The following DPP6 variants were observed in gnomAD, a reference collection of about 807,000 sequenced individuals.
DPP6 encodes dipeptidyl peptidase like 6.
Under a neutral mutation model 122.6 loss-of-function variants are expected in DPP6, and 69 were observed. The observed-to-expected ratio is 0.56, with a 90% CI of 0.46 to 0.69. The LOEUF is 0.69. DPP6 is among the 30% of genes least tolerant of loss of function. The pLI is 0.00. For missense variants in DPP6, 928 were observed against 1,116.9 expected, an observed-to-expected ratio of 0.83 and a Z score of 2.41; for synonymous variants, 418 against 433.1, an observed-to-expected ratio of 0.97 and a Z score of 0.43.
At chr7:154,376,626 A>G (rs1276906172) in intron 1 of DPP6, among the ~76,000 whole-genome samples, 1 of 152,214 alleles carries the variant, frequency 6.6e-6, no homozygotes, top group Non-Finnish European at 1.5e-5. Flanking sequence ...AGCTCTTTAT[A>G]CACACAATGA....
chr7:154,350,624 C>A (rs558865116), intron 1 of DPP6, among the ~76,000 whole-genome samples: 2 of 152,260 alleles, frequency 1.3e-5, no homozygotes, highest in East Asian at 3.9e-4. Context: ...ATGTGTAGTT[C>A]AGAGTGAGTT....
intron 6 of DPP6, among the ~76,000 whole-genome samples, chr7:154,647,471 A>G (rs1423066529): frequency 6.6e-6 from 1 of 152,168 alleles, no homozygotes; most frequent in Non-Finnish European, 1.5e-5. Flanking sequence ...AATGATATTC[A>G]GTAAAGGGGT....
At chr7:154,372,976 C>T (rs59911298) in intron 1 of DPP6, among the ~76,000 whole-genome samples, 2,898 of 152,276 alleles carry the variant, frequency 0.019, 38 homozygotes, top group Middle Eastern at 0.034. Flanking sequence ...ATGGAGTTCG[C>T]GTCTCTTCCC....
At chr7:153,905,082 A>G (rs1401368441) in intron 1 of DPP6, among the ~76,000 whole-genome samples, 2 of 152,266 alleles carry the variant, frequency 1.3e-5, no homozygotes, top group Admixed American at 6.5e-5. Context: ...GCCTCTCTGC[A>G]GAATTCCTTC....
At chr7:153,857,114 T>C in the DPP6 span, among the ~76,000 whole-genome samples, 5 of 152,184 alleles carry the variant, frequency 3.3e-5, no homozygotes, top group African/African-American at 9.7e-5. Context: ...CTTTTTTCTA[T>C]GACAAAGAAA....
intron 2 of DPP6, among the ~76,000 whole-genome samples, chr7:154,461,344 G>A (rs1821285987): frequency 6.6e-6 from 1 of 152,132 alleles, no homozygotes; most frequent in Non-Finnish European, 1.5e-5. Context: ...GCAGGTGTCT[G>A]TTTGATACAC....
At chr7:154,310,824 C>A (rs1023293924) in intron 1 of DPP6, among the ~76,000 whole-genome samples, 1 of 152,098 alleles carries the variant, frequency 6.6e-6, no homozygotes, top group African/African-American at 2.4e-5. Context: ...GAGGAATGAA[C>A]GGTCACCGTC....
chr7:154,380,702 C>T (rs537370804), intron 1 of DPP6, among the ~76,000 whole-genome samples: 1 of 152,310 alleles, frequency 6.6e-6, no homozygotes, highest in African/African-American at 2.4e-5. Flanking sequence ...TACCTTTTTG[C>T]TGGCAGGGAA....
At position 154,616,975 on chromosome 7, in the gene DPP6, C is replaced by T. The variant is rs140884575; in HGVS notation, c.628-20846C>T. Among the ~76,000 whole-genome samples, 704 of 152,350 alleles carry T rather than the reference C, an allele frequency of 4.6e-3. 8 individuals carry two copies. Among genetic ancestry groups the T allele is most frequent in the African/African-American group, 0.016 (677 of 41,586 alleles). ...GAACTGTCTTTCCAAAGAATCTCCA[C>T]GTGTAGCTGATGTCAGATGCCATCA... On this transcript the variant is annotated intron_variant, in intron 5 of 25. Coordinates refer to ENST00000377770, the MANE Select transcript of DPP6 (RefSeq NM_130797.4).
chr7:154,229,710 G>C (rs1477147002), intron 1 of DPP6, among the ~76,000 whole-genome samples: 2 of 151,974 alleles, frequency 1.3e-5, no homozygotes, highest in Non-Finnish European at 2.9e-5. Flanking sequence ...TTCCGTCCAA[G>C]CTTCACCATA....
chr7:154,101,362 T>C (rs1805711931), intron 1 of DPP6, among the ~76,000 whole-genome samples: 1 of 148,006 alleles, frequency 6.8e-6, no homozygotes, highest in Non-Finnish European at 1.5e-5. Flanking sequence ...GATTTCACTC[T>C]TTCTCTTTCT....
chr7:153,935,695 G>A (rs1380731784), intron 1 of DPP6, among the ~76,000 whole-genome samples: 2 of 152,172 alleles, frequency 1.3e-5, no homozygotes, highest in African/African-American at 2.4e-5. Context: ...CGTTGCAGAG[G>A]CACAGGGGCC....
At chr7:154,309,658 G>C (rs1404931622) in intron 1 of DPP6, among the ~76,000 whole-genome samples, 1 of 152,116 alleles carries the variant, frequency 6.6e-6, no homozygotes, top group African/African-American at 2.4e-5. Context: ...AATTTTTTAT[G>C]TAGCCATATT....
chr7:154,711,683 T>C (rs1260622327), intron 7 of DPP6, among the ~76,000 whole-genome samples: 4 of 152,154 alleles, frequency 2.6e-5, no homozygotes, highest in African/African-American at 9.7e-5. Flanking sequence ...TCACCCTTAG[T>C]AGTATTGCTA....
intron 8 of DPP6, among the ~76,000 whole-genome samples, chr7:154,759,412 G>A (rs369851136): frequency 2.0e-4 from 30 of 152,232 alleles, no homozygotes; most frequent in East Asian, 1.3e-3. Flanking sequence ...GTTCTCCCAG[G>A]AGCAGCCTGT....
intron 7 of DPP6, among the ~76,000 whole-genome samples, chr7:154,720,194 G>A (rs1036643910): frequency 2.6e-5 from 4 of 152,180 alleles, no homozygotes; most frequent in Non-Finnish European, 5.9e-5. Flanking sequence ...GGAGAAGAGT[G>A]AATCGATGGA....
intron 6 of DPP6, among the ~76,000 whole-genome samples, chr7:154,647,560 C>T (rs759046568): frequency 6.6e-6 from 1 of 152,160 alleles, no homozygotes; most frequent in Non-Finnish European, 1.5e-5. Context: ...GGGCACCAGA[C>T]GTTGGTTGTG....
intron 1 of DPP6, among the ~76,000 whole-genome samples, chr7:153,919,299 G>A (rs933959656): frequency 2.6e-5 from 4 of 152,146 alleles, no homozygotes; most frequent in Admixed American, 6.5e-5. Flanking sequence ...CTTTCCCCTA[G>A]CAAACTCTCA....
the DPP6 span, among the ~76,000 whole-genome samples, chr7:153,772,594 C>T: frequency 6.6e-6 from 1 of 151,734 alleles, no homozygotes; most frequent in African/African-American, 2.4e-5. Context: ...AGAGCTAGGA[C>T]GATGGTAGAT....
Sources: gnomAD v4.1 joint callset for allele counts (sites outside exome capture counted in the v4.1 genomes callset) on GRCh38, gnomAD v4.1.1 for gene constraint, MANE v1.5 for transcripts, NCBI Gene and HGNC (gene_info 2026-07-23, HGNC 2026-07-21) for gene names.